Variants in SPTB observed in about 807,000 individuals in gnomAD.
The protein encoded by SPTB is spectrin beta chain, erythrocytic.
Under a neutral mutation model 256.2 loss-of-function variants are expected in SPTB, and 45 were observed. The ratio of observed to expected loss-of-function variants is 0.18; its 90% CI spans 0.14 to 0.23. The LOEUF (loss-of-function observed/expected upper bound fraction) is 0.23, where lower values mean the gene tolerates loss of function less well. Among genes scored for constraint, SPTB ranks in the 10% least tolerant of loss-of-function variants. The pLI is 1.00. For synonymous variants in SPTB, 1,231 were observed against 1,243.1 expected, an observed-to-expected ratio of 0.99 and a Z score of 0.21; for missense variants, 2,715 against 3,040.4, an observed-to-expected ratio of 0.89 and a Z score of 2.52.
Position 64,817,644 on chromosome 14 carries a change from C to T in SPTB, c.148+5303G>A, listed in dbSNP as rs541639502. Among the ~76,000 whole-genome samples, 5 of 152,322 alleles carry T rather than the reference C, an allele frequency of 3.3e-5. No homozygotes were observed. The South Asian group carries it at 1.0e-3, about 32-fold the overall frequency. ...CCCTGCTCCCTGAGAAATCACTTGCCCTCTGGACACAAAGCCCTCCTAGGC... is the reference window on the plus strand; with the variant it reads ...CCCTGCTCCCTGAGAAATCACTTGCTCTCTGGACACAAAGCCCTCCTAGGC... On this transcript the variant is annotated intron_variant, in intron 2 of 35. Coordinates refer to ENST00000644917, the MANE Select transcript of SPTB (RefSeq NM_001355436.2).
intron 15 of SPTB, among the ~76,000 whole-genome samples, 183 bp downstream of exon 15, chr14:64,791,536 A>G (rs1364734690): frequency 7.1e-6 from 1 of 141,412 alleles, no homozygotes; most frequent in Non-Finnish European, 1.5e-5. Flanking sequence ...ACTGCACTCC[A>G]GCCTGGGTAA....
At chr14:64,819,289 T>C (rs2083246261) in intron 2 of SPTB, among the ~76,000 whole-genome samples, 1 of 152,200 alleles carries the variant, frequency 6.6e-6, no homozygotes, top group South Asian at 2.1e-4. Context: ...GGGAGTGGTA[T>C]GAAAGGCAGA....
Position 64,763,893 on chromosome 14 carries a change from G to C in SPTB, c.6345+2833C>G, listed in dbSNP as rs569394026. 4.6e-5 allele frequency: 24 copies of C among 518,786 alleles called. No individual in the cohort carries two copies. In the East Asian group the frequency reaches 1.1e-3, roughly 24 times the overall value. 32.1% of individuals were successfully genotyped at this position (518,786 alleles called of 1,614,324 possible). On this transcript the variant is annotated intron_variant, in intron 32 of 35. Transcript: ENST00000644917. ...GTGGGATGGCAGCTTCAGTCACCAC[G>C]TGCACACACACGTGGGGAAGGGGAG...
At chr14:64,839,122 A>G (rs941952129) in intron 1 of SPTB, among the ~76,000 whole-genome samples, 9 of 152,202 alleles carry the variant, frequency 5.9e-5, no homozygotes, top group African/African-American at 1.9e-4. Context: ...ACACGAGTGA[A>G]ACTCTGTCAA....
In SPTB at chr14:64,841,755, A is replaced by AT. The variant is rs952793726; in HGVS notation, c.-51-18611dup. On this transcript the variant is annotated intron_variant, in intron 1 of 35. Transcript: ENST00000644917. This position sits in a 1 kb window ranked among gnomAD's most constrained non-coding sequence, Gnocchi z 4.6. Reference sequence around the variant, plus strand: ...TCTGACATCCCATATATATATATATATTTTTTAAGGGTCTTTCTTTAACAC... The same window carrying AT: ...TCTGACATCCCATATATATATATATATTTTTTTAAGGGTCTTTCTTTAACAC... Among the ~76,000 whole-genome samples, 55 of 151,900 alleles carry AT rather than the reference A, an allele frequency of 3.6e-4. No individual in the cohort carries two copies. The highest frequency in any genetic ancestry group is 2.9e-3 in the East Asian group (15 of 5,174).
At position 64,792,852 on chromosome 14, in the gene SPTB, C is replaced by T; in HGVS notation, c.2666+145G>A. ...CAGAGCCAGAATAGAACTTATGACTCCTAATGCCAGGACTTTGCAACAAAG... is the reference window on the plus strand; with the variant it reads ...CAGAGCCAGAATAGAACTTATGACTTCTAATGCCAGGACTTTGCAACAAAG... On this transcript the variant is annotated intron_variant, in intron 14 of 35. Coordinates refer to ENST00000644917, the MANE Select transcript of SPTB (RefSeq NM_001355436.2). The surrounding 1 kb of genome is among the most constrained non-coding windows in gnomAD (Gnocchi z 4.2). 2 of 1,137,046 alleles carry T rather than the reference C, an allele frequency of 1.8e-6. No homozygotes were observed. The highest frequency in any genetic ancestry group is 2.1e-5 in the Admixed American group (1 of 48,426). The allele number at this position is 1,137,046 out of a possible 1,614,324, so 70.4% of individuals were successfully genotyped here. A position where few individuals can be genotyped will look rare whatever the true frequency, so the allele number is the denominator to read the frequency against.
At chr14:64,877,391 T>C (rs568036077) in intron 1 of SPTB, among the ~76,000 whole-genome samples, 1 of 152,324 alleles carries the variant, frequency 6.6e-6, no homozygotes, top group African/African-American at 2.4e-5. Context: ...TTGTACTTTA[T>C]ATTCCCTGCT....
intron 1 of SPTB, among the ~76,000 whole-genome samples, chr14:64,832,643 C>T (rs756501088): frequency 3.3e-5 from 5 of 152,170 alleles, no homozygotes; most frequent in Admixed American, 6.5e-5. Flanking sequence ...CTCATGTTCA[C>T]CCTAACCCCC....
chr14:64,861,916 A>G (rs1024672861), intron 1 of SPTB, among the ~76,000 whole-genome samples: 3 of 152,164 alleles, frequency 2.0e-5, no homozygotes, highest in African/African-American at 7.2e-5. Context: ...CTGGCTCTTC[A>G]TCCTCATTGT....
intron 32 of SPTB, among the ~76,000 whole-genome samples, chr14:64,766,172 ATGTGTG>A (rs966662193): frequency 3.2e-5 from 4 of 125,432 alleles, no homozygotes; most frequent in African/African-American, 1.2e-4. Context: ...GTGTATGTGT[ATGTGTG>A]TGTGTATGTG....
chr14:64,803,838 C>T, intron 3 of SPTB, 58 bp from the exon 4 acceptor site: 3 of 1,541,332 alleles, frequency 1.9e-6, no homozygotes, highest in Non-Finnish European at 2.6e-6. Context: ...ATCCCAGAGG[C>T]TGCAGCGTGG....
At chr14:64,750,341 G>A (rs1435214876) in intron 33 of SPTB, 187 bp from the exon 34 acceptor site, 3 of 665,964 alleles carry the variant, frequency 4.5e-6, no homozygotes, top group Non-Finnish European at 4.8e-6. Context: ...AACATTTTAT[G>A]TATTCCTTCT....
chr14:64,782,342 T>C lies in SPTB; in HGVS notation c.4214A>G (p.Asp1405Gly). 1 of 1,614,230 alleles carries C rather than the reference T, an allele frequency of 6.2e-7. No individual in the cohort carries two copies. Among genetic ancestry groups the C allele is most frequent in the Non-Finnish European group, 8.5e-7 (1 of 1,180,048 alleles). ...ACTGGTCAGGTCCTTGCCCGGGTCG[T>C]CTGACCGCAGCTGGTCCTCCATGGC... ...ISAMEDQLRS[D>G]DPGKDLTSVN... The change falls in exon 20 of 36, where the codon GAC becomes GGC. Residue 1405 changes from aspartate to glycine, a missense_variant. Around this residue, in one of 4 missense-constraint regions of SPTB, gnomAD observed 2,239 missense variants for 2,384.4 expected, o/e 0.94. Transcript: ENST00000644917.
At chr14:64,836,604 A>C (rs4027216) in intron 1 of SPTB, among the ~76,000 whole-genome samples, 47,379 of 151,918 alleles carry the variant, frequency 0.31, 12,050 homozygotes, top group African/African-American at 0.7. Context: ...GCATCCCTGC[A>C]CTCCTAACCT....
chr14:64,772,985 T>G lies in SPTB; in HGVS notation c.5179-31A>C. ...CATGGGGCAGACAGAAATGTGGTTA[T>G]GGGGGGCACAGGGGTTACAGGTGTC... is the stretch of plus-strand genomic sequence containing the variant. On this transcript the variant is annotated intron_variant, in intron 25 of 35. Coordinates refer to ENST00000644917, the MANE Select transcript of SPTB (RefSeq NM_001355436.2). This position sits in a 1 kb window ranked among gnomAD's most constrained non-coding sequence, Gnocchi z 5.4. The G allele has an allele frequency of 6.3e-7, 1 of 1,591,634 alleles. No homozygotes were observed. Among genetic ancestry groups the G allele is most frequent in the Non-Finnish European group, 8.5e-7 (1 of 1,171,960 alleles).
In SPTB at chr14:64,806,783, C is replaced by T. The variant is rs1052052000; in HGVS notation, c.149-1693G>A. On this transcript the variant is annotated intron_variant, in intron 2 of 35. Coordinates refer to ENST00000644917, the MANE Select transcript of SPTB (RefSeq NM_001355436.2). This position sits in a 1 kb window ranked among gnomAD's most constrained non-coding sequence, Gnocchi z 4.1. The stretch of plus-strand genomic sequence containing the variant: ...CAGACAGACTCTATTATAAATATGA[C>T]GAGGGCTTGAGTCATACATGAAGAA... Among the ~76,000 whole-genome samples, 7 of 152,172 alleles carry T rather than the reference C, an allele frequency of 4.6e-5. No individual in the cohort carries two copies. The highest frequency in any genetic ancestry group is 7.4e-5 in the Non-Finnish European group (5 of 68,008).
intron 2 of SPTB, among the ~76,000 whole-genome samples, chr14:64,813,811 C>A (rs2083136981): frequency 6.6e-6 from 1 of 152,238 alleles, no homozygotes; most frequent in Admixed American, 6.5e-5. Flanking sequence ...TAGGCGTGAG[C>A]CACCATGCCT....
chr14:64,858,670 A>C (rs963608730), intron 1 of SPTB, among the ~76,000 whole-genome samples: 4 of 152,170 alleles, frequency 2.6e-5, no homozygotes, highest in African/African-American at 9.7e-5. Flanking sequence ...CATTTGGTCT[A>C]AGTACGCATC....
chr14:64,839,143 C>T (rs921856095), intron 1 of SPTB, among the ~76,000 whole-genome samples: 5 of 151,986 alleles, frequency 3.3e-5, no homozygotes, highest in African/African-American at 7.3e-5. Context: ...AAAATAAAAG[C>T]CTCTATGCAA....
Sources: allele counts gnomAD v4.1 joint callset (sites outside exome capture counted in the v4.1 genomes callset), GRCh38; gene constraint gnomAD v4.1.1; regional missense constraint gnomAD v4.1.1; non-coding constraint Gnocchi (gnomAD v3.1); transcripts MANE v1.5; gene names NCBI Gene and HGNC (gene_info 2026-07-23, HGNC 2026-07-21).